AXIN1: variants seen among roughly 807,000 people sequenced by gnomAD.
The protein encoded by AXIN1 is axin-1.
Under a neutral mutation model 76.4 loss-of-function variants are expected in AXIN1, and 30 were observed. That is an observed-to-expected ratio of 0.39 (90% CI 0.29 to 0.53). The LOEUF (loss-of-function observed/expected upper bound fraction) is 0.53, where lower values mean the gene tolerates loss of function less well. Ranked by LOEUF, AXIN1 falls within the 20% of genes least tolerant of loss-of-function variation. AXIN1 has a pLI of 0.66. For synonymous variants in AXIN1, 545 were observed against 501.4 expected (o/e 1.09, Z -1.16); for missense variants, 1,140 against 1,198.8 (o/e 0.95, Z 0.72).
intron 7 of AXIN1, among the ~76,000 whole-genome samples, chr16:294,563 T>C (rs2052656696): frequency 6.7e-6 from 1 of 149,912 alleles, no homozygotes; most frequent in South Asian, 2.1e-4. Flanking sequence ...AAGACCAGCC[T>C]GGCCAACATG....
At chr16:331,187 T>A (rs901603690) in intron 2 of AXIN1, among the ~76,000 whole-genome samples, 4 of 152,188 alleles carry the variant, frequency 2.6e-5, no homozygotes, top group Non-Finnish European at 4.4e-5. Context: ...CCACGTCTTA[T>A]TAAAAATTAA....
At chr16:304,681 C>T (rs1200793723) in intron 4 of AXIN1, among the ~76,000 whole-genome samples, 2 of 152,186 alleles carry the variant, frequency 1.3e-5, no homozygotes, top group South Asian at 4.2e-4. Flanking sequence ...ACTACAGGTG[C>T]CCGCCACCAC....
intron 4 of AXIN1, among the ~76,000 whole-genome samples, chr16:308,074 G>T (rs1438349959): frequency 1.3e-5 from 2 of 152,172 alleles, no homozygotes; most frequent in Non-Finnish European, 2.9e-5. Flanking sequence ...ACACAGAAAC[G>T]CACACTGCGG....
rs2052771114 is a variant in AXIN1 at position 298,202 on chromosome 16, C to T, written c.1304G>A (p.Cys435Tyr). The change falls in exon 6 of 11, where the codon TGT (cysteine) becomes TAT (tyrosine). Residue 435 changes from cysteine (C) to tyrosine (Y), a missense_variant. By Grantham distance (194) the Cys-to-Tyr change is radical. Transcript: ENST00000262320. ...AGCGGGGGCGGGAGGCAGCTTGTGA[C>T]ACGGCCCTGGGGGCCCTGACGATGG... ...GDPSSGPPGP[C>Y]HKLPPAPAWH... The T allele has an allele frequency of 3.9e-6, 6 of 1,541,426 alleles. No homozygotes were observed. The highest frequency in any genetic ancestry group is 5.2e-6 in the Non-Finnish European group (6 of 1,147,228).
intron 2 of AXIN1, among the ~76,000 whole-genome samples, chr16:317,409 G>A (rs955291649): frequency 1.3e-5 from 2 of 152,188 alleles, no homozygotes; most frequent in African/African-American, 4.8e-5. Flanking sequence ...CTGCTCGGGA[G>A]GCAGGTGCAG....
In AXIN1 at chr16:293,462, CA is replaced by C; in HGVS notation, c.2186+25del. On this transcript the variant is annotated intron_variant, in intron 8 of 10. Coordinates refer to ENST00000262320, the MANE Select transcript of AXIN1 (RefSeq NM_003502.4). This position sits in a 1 kb window ranked among gnomAD's most constrained non-coding sequence, Gnocchi z 4.6. ...TGGTGCTGTGGTAACCCCCAAGACCCACCCCACCCCACGACGCGGCCGTACC... is the reference window on the plus strand; with the variant it reads ...TGGTGCTGTGGTAACCCCCAAGACCCCCCCACCCCACGACGCGGCCGTACC... 6.2e-7 allele frequency: 1 copy of C among 1,602,100 alleles called. No individual in the cohort carries two copies. The highest frequency in any genetic ancestry group is 8.5e-7 in the Non-Finnish European group (1 of 1,176,224).
intron 9 of AXIN1, chr16:290,862 C>A (rs2052537707): frequency 2.3e-6 from 1 of 441,930 alleles, no homozygotes. Context: ...CCGTTCCAAG[C>A]CGGGTGGAGG....
chr16:352,381 G>A lies in AXIN1; in HGVS notation c.-94C>T, dbSNP rs1253714420. On this transcript the variant is annotated 5_prime_UTR_variant, in exon 1 of 11. Coordinates refer to ENST00000262320, the MANE Select transcript of AXIN1 (RefSeq NM_003502.4). ...CGGCCCTACTCACCCGCGCGCGGTGGTGGCGGGACCCCGGGCCCGGCTCCC... is the reference window on the plus strand; with the variant it reads ...CGGCCCTACTCACCCGCGCGCGGTGATGGCGGGACCCCGGGCCCGGCTCCC... The A allele has an allele frequency of 2.0e-6, 2 of 978,196 alleles. No individual in the cohort carries two copies. Among genetic ancestry groups the A allele is most frequent in the African/African-American group, 1.8e-5 (1 of 56,198 alleles). The allele number at this position is 978,196 out of a possible 1,614,324, so 60.6% of individuals were successfully genotyped here.
In AXIN1 at chr16:288,158, C is replaced by G. The variant is rs2052438937; in HGVS notation, c.2553G>C (p.Glu851Asp). Reference protein sequence around the residue: ...REDEAVLPVFEEKIIGKVEKV... With the variant: ...REDEAVLPVFDEKIIGKVEKV... ...TCTCCACTTTGCCGATGATCTTCTC[C>G]TCAAAGACGGGCAGGACGGCCTCGT... The change falls in exon 11 of 11, where the codon GAG becomes GAC. Residue 851 changes from glutamate (E) to aspartate (D), a missense_variant. Glu to Asp is a conservative substitution (Grantham distance 45). Around this residue, in one of 3 missense-constraint regions of AXIN1, gnomAD observed 429 missense variants for 405.8 expected, o/e 1.06. Transcript: ENST00000262320. The G allele has an allele frequency of 1.2e-6, 2 of 1,613,642 alleles. No individual in the cohort carries two copies. The highest frequency in any genetic ancestry group is 1.7e-6 in the Non-Finnish European group (2 of 1,180,018).
chr16:314,829 C>A, intron 2 of AXIN1, 146 bp from the exon 3 acceptor site: 1 of 1,186,184 alleles, frequency 8.4e-7, no homozygotes, highest in Non-Finnish European at 1.2e-6. Flanking sequence ...GAGAAAAGAC[C>A]AACATCTCCA....
rs930860548 is a variant in AXIN1 at position 291,237 on chromosome 16, C to G, written c.2247G>C (p.Val749=). Reference sequence around the variant, plus strand: ...CCGACACGGCTGGTACCACGTGCAGCACCGGCGCGCACGCTGGCCTGACGC... The same window carrying G: ...CCGACACGGCTGGTACCACGTGCAGGACCGGCGCGCACGCTGGCCTGACGC... ...RACVRPACAP[V]LHVVPAVSDM... Residue 749 remains valine, a synonymous_variant, in exon 9 of 11, where the codon GTG becomes GTC. Coordinates refer to ENST00000262320, the MANE Select transcript of AXIN1 (RefSeq NM_003502.4). The G allele has an allele frequency of 6.3e-7, 1 of 1,586,942 alleles. No individual in the cohort carries two copies. The highest frequency in any genetic ancestry group is 1.3e-5 in the African/African-American group (1 of 74,744).
intron 2 of AXIN1, among the ~76,000 whole-genome samples, chr16:331,260 T>C (rs1418135671): frequency 6.6e-6 from 1 of 152,156 alleles, no homozygotes; most frequent in Non-Finnish European, 1.5e-5. Context: ...AAAAATTCTG[T>C]ACATGAAGCA....
At chr16:345,905 C>T (rs947195620) in intron 2 of AXIN1, among the ~76,000 whole-genome samples, 3 of 152,214 alleles carry the variant, frequency 2.0e-5, no homozygotes, top group Non-Finnish European at 4.4e-5. Context: ...TCCGATGTTC[C>T]TAATGACTCA....
At chr16:292,535 C>T (rs1021325574) in intron 8 of AXIN1, 9 of 152,188 alleles carry the variant, frequency 5.9e-5, no homozygotes, top group African/African-American at 1.4e-4. Flanking sequence ...GCTGGAGGCC[C>T]GGGAGGCGGG....
At chr16:310,556 C>A (rs1182846934) in intron 3 of AXIN1, among the ~76,000 whole-genome samples, 1 of 152,202 alleles carries the variant, frequency 6.6e-6, no homozygotes, top group East Asian at 1.9e-4. Context: ...GCCACCACGC[C>A]CAGCTAATTT....
intron 2 of AXIN1, among the ~76,000 whole-genome samples, chr16:329,321 T>A (rs1484799001): frequency 3.4e-5 from 5 of 145,300 alleles, no homozygotes; most frequent in African/African-American, 1.3e-4. Flanking sequence ...ACAGAGTGGG[T>A]AACATGAATT....
intron 1 of AXIN1, among the ~76,000 whole-genome samples, chr16:351,747 AAT>A (rs955452230): frequency 5.7e-5 from 8 of 140,472 alleles, no homozygotes; most frequent in Admixed American, 1.4e-4. Flanking sequence ...CTCTACAAAA[AAT>A]ATATATATAT....
intron 2 of AXIN1, among the ~76,000 whole-genome samples, chr16:328,454 GGGA>G (rs1271012236): frequency 2.0e-5 from 3 of 152,044 alleles, no homozygotes; most frequent in African/African-American, 7.2e-5. Context: ...CCAATACTTT[GGGA>G]GGCCGCGGCG....
At position 310,074 on chromosome 16, in the gene AXIN1, C is replaced by T. The variant is rs747033703; in HGVS notation, c.1020-5G>A. ...CTGTATGGGGGGATCCCATCCCTGTCCAGGAGAAAGAGGCAGCCGTTAACT... is the reference window on the plus strand; with the variant it reads ...CTGTATGGGGGGATCCCATCCCTGTTCAGGAGAAAGAGGCAGCCGTTAACT... On this transcript the variant is annotated splice_region_variant and splice_polypyrimidine_tract_variant and intron_variant, in intron 3 of 10. Transcript: ENST00000262320. The T allele has an allele frequency of 6.2e-7, 1 of 1,606,644 alleles. No individual in the cohort carries two copies. The highest frequency in any genetic ancestry group is 1.3e-5 in the African/African-American group (1 of 74,724).
Sources: allele counts gnomAD v4.1 joint callset (sites outside exome capture counted in the v4.1 genomes callset), GRCh38; gene constraint gnomAD v4.1.1; regional missense constraint gnomAD v4.1.1; non-coding constraint Gnocchi (gnomAD v3.1); transcripts MANE v1.5; gene names NCBI Gene and HGNC (gene_info 2026-07-23, HGNC 2026-07-21).